The following EVL variants were observed in gnomAD, a reference collection of about 807,000 sequenced individuals.
The protein encoded by EVL is ena/VASP-like protein.
A neutral mutation model predicts 59.6 loss-of-function variants in EVL; 21 were observed. That is an observed-to-expected ratio of 0.35 (90% CI 0.25 to 0.51). The LOEUF (loss-of-function observed/expected upper bound fraction) is 0.51, where lower values mean the gene tolerates loss of function less well. Ranked by LOEUF, EVL falls within the 20% of genes least tolerant of loss-of-function variation. The pLI is 0.97. For synonymous variants in EVL, 198 were observed against 203.5 expected (o/e 0.97, Z 0.23); for missense variants, 462 against 546.6 (o/e 0.85, Z 1.54).
intron 2 of EVL, among the ~76,000 whole-genome samples, chr14:100,094,571 A>C (rs1207478583): frequency 6.7e-6 from 1 of 149,164 alleles, no homozygotes; most frequent in African/African-American, 2.5e-5. Flanking sequence ...TGAAACCCTG[A>C]CTCTACTTTA....
intron 1 of EVL, among the ~76,000 whole-genome samples, chr14:100,068,385 G>T (rs2140274562): frequency 6.6e-6 from 1 of 152,358 alleles, no homozygotes; most frequent in African/African-American, 2.4e-5. Flanking sequence ...TGCGAGCTGT[G>T]CTGAATTTAG....
At chr14:100,113,396 C>A (rs73349540) in intron 3 of EVL, among the ~76,000 whole-genome samples, 1 of 152,114 alleles carries the variant, frequency 6.6e-6, no homozygotes, top group Non-Finnish European at 1.5e-5. Context: ...ATGCTCAGAA[C>A]GGTGCCCGGC....
At chr14:100,011,661 A>G (rs1298894660) in intron 1 of EVL, among the ~76,000 whole-genome samples, 3 of 152,174 alleles carry the variant, frequency 2.0e-5, no homozygotes, top group Admixed American at 6.5e-5. Context: ...AGTTTTGACT[A>G]AATTGACTAT....
intron 3 of EVL, among the ~76,000 whole-genome samples, chr14:100,120,773 C>T (rs1027312797): frequency 6.6e-6 from 1 of 152,096 alleles, no homozygotes; most frequent in African/African-American, 2.4e-5. Flanking sequence ...CTGGACCCAA[C>T]CCTGTGCAGG....
intron 2 of EVL, chr14:100,097,007 T>C (rs1885860591): frequency 6.4e-6 from 1 of 157,220 alleles, no homozygotes; most frequent in South Asian, 1.9e-4. Flanking sequence ...TAAATATGAA[T>C]TATAGAAGAC....
chr14:99,995,785 C>T (rs1016674525), intron 1 of EVL, among the ~76,000 whole-genome samples: 4 of 152,184 alleles, frequency 2.6e-5, no homozygotes, highest in Non-Finnish European at 5.9e-5. Context: ...GGAGAACTCT[C>T]AAGCCTTTTC....
upstream of EVL, among the ~76,000 whole-genome samples, chr14:100,061,246 A>G (rs149910054): frequency 3.4e-3 from 513 of 151,422 alleles, 6 homozygotes; most frequent in African/African-American, 0.012. Flanking sequence ...AAAAATTACA[A>G]AATACAAAAA....
intron 1 of EVL, among the ~76,000 whole-genome samples, chr14:100,050,252 A>G (rs2061624520): frequency 1.3e-5 from 2 of 152,222 alleles, no homozygotes; most frequent in African/African-American, 4.8e-5. Flanking sequence ...TCTGTCTTTA[A>G]ACATATATAA....
chr14:99,987,337 G>A (rs2060845940), intron 1 of EVL, among the ~76,000 whole-genome samples: 2 of 152,168 alleles, frequency 1.3e-5, no homozygotes, highest in African/African-American at 4.8e-5. Flanking sequence ...TATGGGATTA[G>A]TGTCCTTATA....
rs777257901 is a variant in EVL, at chr14:100,128,594, C to A, written c.563C>A (p.Pro188His). Residue 188 changes from proline to histidine, a missense_variant, in exon 6 of 14, where the codon CCC becomes CAC. Coordinates refer to ENST00000392920, the MANE Select transcript of EVL (RefSeq NM_016337.3). Reference protein sequence around the residue: ...PVSCSGPPPPPPPPVPPPPTG... With the variant: ...PVSCSGPPPPHPPPVPPPPTG... Reference sequence around the variant, plus strand: ...TCATGTAGTGGGCCTCCACCGCCCCCCCCACCCCCAGTCCCACCTCCACCC... The same window carrying A: ...TCATGTAGTGGGCCTCCACCGCCCCACCCACCCCCAGTCCCACCTCCACCC... 1 of 1,536,918 alleles carries A rather than the reference C, an allele frequency of 6.5e-7. No homozygotes were observed. Among genetic ancestry groups the A allele is most frequent in the Admixed American group, 1.7e-5 (1 of 57,668 alleles).
At chr14:99,985,081 C>G (rs1446064291) in intron 1 of EVL, among the ~76,000 whole-genome samples, 1 of 151,950 alleles carries the variant, frequency 6.6e-6, no homozygotes, top group Non-Finnish European at 1.5e-5. Context: ...GATGGTTTCT[C>G]AGACTTAACT....
chr14:100,121,391 C>G (rs2140363759), intron 3 of EVL, among the ~76,000 whole-genome samples: 1 of 152,300 alleles, frequency 6.6e-6, no homozygotes, highest in South Asian at 2.1e-4. Flanking sequence ...TGACATTGGA[C>G]AGACCCCTGC....
chr14:100,062,210 A>G (rs576122975), upstream of EVL, among the ~76,000 whole-genome samples: 2 of 32,182 alleles, frequency 6.2e-5, no homozygotes, highest in South Asian at 9.9e-4. Context: ...CTGTGTGTAT[A>G]TATATATATA....
At chr14:99,976,123 C>T (rs2060768647) in intron 1 of EVL, among the ~76,000 whole-genome samples, 1 of 152,078 alleles carries the variant, frequency 6.6e-6, no homozygotes, top group African/African-American at 2.4e-5. Flanking sequence ...CAGCCTTAAA[C>T]TCCCACCTTA....
chr14:100,004,602 A>G (rs757817113), intron 1 of EVL, among the ~76,000 whole-genome samples: 2 of 152,174 alleles, frequency 1.3e-5, no homozygotes, highest in Non-Finnish European at 2.9e-5. Flanking sequence ...TACACCATTC[A>G]TGACATGCTT....
At chr14:100,025,850 C>A (rs1037328064) in intron 1 of EVL, among the ~76,000 whole-genome samples, 5 of 152,098 alleles carry the variant, frequency 3.3e-5, no homozygotes, top group Non-Finnish European at 7.4e-5. Context: ...GCAGGAGAAT[C>A]GCTTGAACCT....
intron 1 of EVL, among the ~76,000 whole-genome samples, chr14:100,020,185 G>A (rs754729146): frequency 6.6e-6 from 1 of 152,028 alleles, no homozygotes; most frequent in African/African-American, 2.4e-5. Flanking sequence ...TAATCTCATC[G>A]CCGGTCTGTT....
intron 1 of EVL, among the ~76,000 whole-genome samples, chr14:100,028,465 A>G (rs578111661): frequency 6.6e-6 from 1 of 152,256 alleles, no homozygotes; most frequent in East Asian, 1.9e-4. Flanking sequence ...TCCTTTATGC[A>G]CTGGGAAGCA....
intron 1 of EVL, among the ~76,000 whole-genome samples, chr14:100,007,989 A>C (rs1168087091): frequency 6.6e-6 from 1 of 152,138 alleles, no homozygotes; most frequent in African/African-American, 2.4e-5. Flanking sequence ...TACCCATTGG[A>C]TGCTAGAAGC....
Sources: gnomAD v4.1 joint callset for allele counts (sites outside exome capture counted in the v4.1 genomes callset) on GRCh38, gnomAD v4.1.1 for gene constraint, MANE v1.5 for transcripts, NCBI Gene and HGNC (gene_info 2026-07-23, HGNC 2026-07-21) for gene names.